Variants in TMEM132B observed in about 807,000 individuals in gnomAD.
The protein encoded by TMEM132B is transmembrane protein 132B.
In TMEM132B, 18 loss-of-function variants were observed where a neutral mutation model predicts 90.8. That is an observed-to-expected ratio of 0.20 (90% confidence interval 0.14 to 0.29). TMEM132B has a LOEUF of 0.29. Ranked by LOEUF, TMEM132B falls within the 10% of genes least tolerant of loss-of-function variation. TMEM132B has a pLI of 1.00. For missense variants in TMEM132B, 1,096 were observed against 1,326.8 expected, an observed-to-expected ratio of 0.83 and a Z score of 2.70; for synonymous variants, 504 against 523.3, an observed-to-expected ratio of 0.96 and a Z score of 0.50.
At chr12:125,392,150 A>AT (rs925556328) in intron 2 of TMEM132B, among the ~76,000 whole-genome samples, 2 of 151,956 alleles carry the variant, frequency 1.3e-5, no homozygotes, top group East Asian at 1.9e-4. Context: ...AGAAAATAAT[A>AT]TTTTTTTTGA....
intron 5 of TMEM132B, among the ~76,000 whole-genome samples, chr12:125,610,434 T>G (rs1160623880): frequency 6.6e-6 from 1 of 152,216 alleles, no homozygotes; most frequent in Non-Finnish European, 1.5e-5. Flanking sequence ...ATTCCTAGTT[T>G]GTTGATAGTT....
intron 1 of TMEM132B, among the ~76,000 whole-genome samples, chr12:125,286,524 A>G (rs1246873845): frequency 2.0e-5 from 3 of 151,982 alleles, no homozygotes; most frequent in Non-Finnish European, 2.9e-5. Flanking sequence ...AGTATAATAA[A>G]ATAATAAATA....
intron 4 of TMEM132B, among the ~76,000 whole-genome samples, chr12:125,563,727 T>G (rs1884599034): frequency 6.6e-6 from 1 of 151,988 alleles, no homozygotes; most frequent in African/African-American, 2.4e-5. Flanking sequence ...GGTACCTAAA[T>G]CCAATAATTG....
At position 125,194,304 on chromosome 12, in the gene TMEM132B, G is replaced by A. The variant is rs372063755; in HGVS notation, c.67+7438G>A. On this transcript the variant is annotated intron_variant, in intron 1 of 8. Transcript: ENST00000682704. ...TCTTACTCATTGTGGCCACGCCTCC[G>A]AGTCCGGGATGCAGTGCCCGGGAGG... Among the ~76,000 whole-genome samples, 49 of 151,742 alleles carry A rather than the reference G, an allele frequency of 3.2e-4. No homozygotes were observed. In the East Asian group the frequency reaches 8.4e-3, roughly 26 times the overall value.
intron 1 of TMEM132B, among the ~76,000 whole-genome samples, chr12:125,205,537 G>T (rs1873161164): frequency 6.6e-6 from 1 of 152,238 alleles, no homozygotes; most frequent in African/African-American, 2.4e-5. Context: ...TTTATGTGGA[G>T]CATCTCATGA....
At chr12:125,536,390 T>C (rs1468222017) in intron 4 of TMEM132B, among the ~76,000 whole-genome samples, 1 of 152,112 alleles carries the variant, frequency 6.6e-6, no homozygotes, top group Non-Finnish European at 1.5e-5. Context: ...GATCATTCGG[T>C]TTTTTGTACC....
intron 4 of TMEM132B, among the ~76,000 whole-genome samples, chr12:125,574,517 A>G (rs1261576223): frequency 6.6e-6 from 1 of 152,106 alleles, no homozygotes; most frequent in Non-Finnish European, 1.5e-5. Context: ...TATCCCTAAG[A>G]TTCAACTGAC....
rs1321764186 is a variant in TMEM132B, at chr12:125,349,696, G to C, written c.312G>C (p.Gln104His). The change falls in exon 2 of 9, where the codon CAG (glutamine) becomes CAC (histidine). Residue 104 changes from glutamine to histidine, a missense_variant. Transcript: ENST00000682704. The surrounding 1 kb of genome is among the most constrained non-coding windows in gnomAD (Gnocchi z 4.1). ...TTTCAGTGGAGAAGATAATCCCCCA[G>C]GAGCTCCTGTTGACATCTACAGCCT... ...GPFSVEKIIP[Q>H]ELLLTSTAFG... The C allele has an allele frequency of 6.2e-7, 1 of 1,614,166 alleles. No individual in the cohort carries two copies. Among genetic ancestry groups the C allele is most frequent in the South Asian group, 1.1e-5 (1 of 91,076 alleles).
chr12:125,393,123 T>C (rs188952), intron 2 of TMEM132B, among the ~76,000 whole-genome samples: 78,296 of 152,080 alleles, frequency 0.51, 20,960 homozygotes, highest in East Asian at 0.88. Flanking sequence ...GAAGCCAAAG[T>C]AGCTTTGCCT....
At chr12:125,564,453 T>C (rs1039717394) in intron 4 of TMEM132B, among the ~76,000 whole-genome samples, 1 of 152,192 alleles carries the variant, frequency 6.6e-6, no homozygotes, top group South Asian at 2.1e-4. Flanking sequence ...TAAGATGCAC[T>C]GAGTGGGAAA....
chr12:125,284,506 C>A (rs1875292712), intron 1 of TMEM132B, among the ~76,000 whole-genome samples: 1 of 152,136 alleles, frequency 6.6e-6, no homozygotes, highest in Admixed American at 6.5e-5. Context: ...CCTTCTTATA[C>A]CCCCAGTTCT....
intron 5 of TMEM132B, among the ~76,000 whole-genome samples, chr12:125,636,702 A>G (rs1886489502): frequency 1.3e-5 from 2 of 152,172 alleles, no homozygotes; most frequent in South Asian, 4.1e-4. Flanking sequence ...TTCTGTCTGA[A>G]GACTAAGACT....
Position 125,653,686 on chromosome 12 carries a change from A to C in TMEM132B, c.2228A>C (p.Gln743Pro). 6.2e-7 allele frequency: 1 copy of C among 1,614,194 alleles called. No homozygotes were observed. Among genetic ancestry groups the C allele is most frequent in the Non-Finnish European group, 8.5e-7 (1 of 1,180,028 alleles). Residue 743 changes from glutamine to proline, a missense_variant, in exon 9 of 9, where the codon CAG becomes CCG. Coordinates refer to ENST00000682704, the MANE Select transcript of TMEM132B (RefSeq NM_001366854.1). The part of the protein sequence containing the change: ...SSLDEMVVSV[Q>P]ANLESKWPIV... ...TTGGATGAAATGGTGGTGTCTGTCC[A>C]GGCAAACCTTGAGTCCAAATGGCCA...
At chr12:125,563,474 G>A (rs1884588032) in intron 4 of TMEM132B, among the ~76,000 whole-genome samples, 1 of 152,062 alleles carries the variant, frequency 6.6e-6, no homozygotes, top group South Asian at 2.1e-4. Flanking sequence ...GCTGAGGCAG[G>A]AGAATTGCTT....
At chr12:125,536,728 G>A (rs1334848747) in intron 4 of TMEM132B, among the ~76,000 whole-genome samples, 2 of 152,112 alleles carry the variant, frequency 1.3e-5, no homozygotes, top group African/African-American at 4.8e-5. Flanking sequence ...TATATCCATT[G>A]TGGTAGGGAG....
At chr12:125,301,596 TG>T (rs1177597830) in intron 1 of TMEM132B, 1 of 152,350 alleles carries the variant, frequency 6.6e-6, no homozygotes, top group South Asian at 2.1e-4. Context: ...TAAGTGAGTC[TG>T]GCTGGGCGCG....
chr12:125,587,133 T>G (rs1398539230), intron 5 of TMEM132B: 1 of 151,284 alleles, frequency 6.6e-6, no homozygotes, highest in Admixed American at 6.6e-5. Flanking sequence ...TCTTAGACTA[T>G]ATTACCCATG....
At chr12:125,187,506 C>G (rs1235474348) in intron 1 of TMEM132B, among the ~76,000 whole-genome samples, 1 of 152,236 alleles carries the variant, frequency 6.6e-6, no homozygotes, top group African/African-American at 2.4e-5. Flanking sequence ...GACCCCAAGG[C>G]GGGCGGGAGA....
intron 4 of TMEM132B, among the ~76,000 whole-genome samples, chr12:125,547,786 G>A (rs76726483): frequency 1.4e-3 from 211 of 152,224 alleles, no homozygotes; most frequent in Non-Finnish European, 2.7e-3. Context: ...CAGGCCAGTG[G>A]TCCCTGGCTC....
Sources: allele counts gnomAD v4.1 joint callset (sites outside exome capture counted in the v4.1 genomes callset), GRCh38; gene constraint gnomAD v4.1.1; non-coding constraint Gnocchi (gnomAD v3.1); transcripts MANE v1.5; gene names NCBI Gene and HGNC (gene_info 2026-07-23, HGNC 2026-07-21).